Variants in DLGAP2 observed in about 807,000 individuals in gnomAD.
DLGAP2 encodes the protein DLG associated protein 2.
In DLGAP2, 26 loss-of-function variants were observed where a neutral mutation model predicts 100.3. The observed-to-expected ratio is 0.26, with a 90% CI of 0.19 to 0.36. The LOEUF is 0.36. Among genes scored for constraint, DLGAP2 ranks in the 10% least tolerant of loss-of-function variants. The probability of loss-of-function intolerance (pLI) is 1.00; values close to 1 mark genes in which losing one functional copy is unlikely to be tolerated. For missense variants in DLGAP2, 1,858 were observed against 1,453.2 expected (o/e 1.28, Z -4.53); for synonymous variants, 886 against 630.1 (o/e 1.41, Z -6.08).
At chr8:1,582,321 A>T (rs1803313199) in intron 6 of DLGAP2, among the ~76,000 whole-genome samples, 1 of 149,126 alleles carries the variant, frequency 6.7e-6, no homozygotes, top group Non-Finnish European at 1.5e-5. Context: ...CTTAAAAAAA[A>T]AAAAAAAGAA....
intron 8 of DLGAP2, among the ~76,000 whole-genome samples, chr8:1,651,038 G>T (rs1205456437): frequency 3.3e-5 from 5 of 152,054 alleles, no homozygotes; most frequent in Non-Finnish European, 7.4e-5. Flanking sequence ...GGAATTTTGG[G>T]ATTACATGGG....
At chr8:1,003,853 A>T (rs1028166161) in intron 2 of DLGAP2, among the ~76,000 whole-genome samples, 3 of 152,210 alleles carry the variant, frequency 2.0e-5, no homozygotes, top group Non-Finnish European at 4.4e-5. Context: ...ATGACATTCT[A>T]TCAAGAGATG....
intron 8 of DLGAP2, among the ~76,000 whole-genome samples, chr8:1,652,331 T>G (rs1032621395): frequency 6.6e-6 from 1 of 152,202 alleles, no homozygotes; most frequent in Non-Finnish European, 1.5e-5. Flanking sequence ...CTCCCCTGGC[T>G]AGAATATAAG....
Position 1,669,758 on chromosome 8 carries a change from G to C in DLGAP2, c.2176G>C (p.Glu726Gln), listed in dbSNP as rs747192625. 3 of 780,920 alleles carry C rather than the reference G, an allele frequency of 3.8e-6. No individual in the cohort carries two copies. 48.4% of individuals were successfully genotyped at this position (780,920 alleles called of 1,614,324 possible). ...TTTTGTTTAGGATTCTGAATTCCCAGAGCATCAGCCATACCCAAGGTCAGA... is the reference window on the plus strand; with the variant it reads ...TTTTGTTTAGGATTCTGAATTCCCACAGCATCAGCCATACCCAAGGTCAGA... ...SIGIQDSEFP[E>Q]HQPYPRSDVE... Residue 726 changes from glutamate (E) to glutamine (Q), a missense_variant, in exon 10 of 15, where the codon GAG becomes CAG. Coordinates refer to ENST00000637795, the MANE Select transcript of DLGAP2 (RefSeq NM_001346810.2).
chr8:1,497,381 T>C (rs1308167861), intron 3 of DLGAP2, among the ~76,000 whole-genome samples: 1 of 152,180 alleles, frequency 6.6e-6, no homozygotes, highest in African/African-American at 2.4e-5. Context: ...GGAGGAAGCT[T>C]ACGGTCACGT....
At chr8:1,284,038 A>T (rs1435660553) in intron 3 of DLGAP2, among the ~76,000 whole-genome samples, 1 of 152,242 alleles carries the variant, frequency 6.6e-6, no homozygotes, top group Admixed American at 6.5e-5. Flanking sequence ...ATTTTCTATG[A>T]CAAGTATGTG....
chr8:1,467,630 C>T (rs1379400895), intron 3 of DLGAP2, among the ~76,000 whole-genome samples: 2 of 152,182 alleles, frequency 1.3e-5, no homozygotes, highest in African/African-American at 4.8e-5. Context: ...GGACAGACTG[C>T]CCTGCCCACC....
chr8:859,019 C>G (rs556950818), intron 1 of DLGAP2, among the ~76,000 whole-genome samples: 4 of 152,100 alleles, frequency 2.6e-5, no homozygotes, highest in South Asian at 2.1e-4. Context: ...TTCTGTAAGC[C>G]TATAAAAAAT....
At chr8:1,096,359 G>C (rs113243492) in intron 2 of DLGAP2, among the ~76,000 whole-genome samples, 1 of 152,210 alleles carries the variant, frequency 6.6e-6, no homozygotes, top group Non-Finnish European at 1.5e-5. Context: ...AATGCATTCC[G>C]GGGCATGTTC....
chr8:1,296,242 C>T (rs532330451), intron 3 of DLGAP2: 7 of 152,226 alleles, frequency 4.6e-5, no homozygotes, highest in African/African-American at 1.4e-4. Flanking sequence ...GACATAAATT[C>T]AGCACTCTTG....
At chr8:1,350,026 G>T (rs901654328) in intron 3 of DLGAP2, among the ~76,000 whole-genome samples, 1 of 152,102 alleles carries the variant, frequency 6.6e-6, no homozygotes, top group Non-Finnish European at 1.5e-5. Flanking sequence ...ATATAAAGGG[G>T]AGCAAATTGA....
chr8:1,234,342 A>T (rs1359358402), intron 2 of DLGAP2, among the ~76,000 whole-genome samples: 1 of 152,096 alleles, frequency 6.6e-6, no homozygotes, highest in East Asian at 1.9e-4. Context: ...TGAGGGAAGT[A>T]CGTGTTCTAG....
intron 3 of DLGAP2, among the ~76,000 whole-genome samples, chr8:1,424,784 A>C (rs1053973246): frequency 6.6e-6 from 1 of 152,222 alleles, no homozygotes; most frequent in African/African-American, 2.4e-5. Flanking sequence ...AGAAGGCCGA[A>C]TAGGACAAGG....
chr8:944,535 G>A (rs1465900234), intron 2 of DLGAP2, among the ~76,000 whole-genome samples: 1 of 152,006 alleles, frequency 6.6e-6, no homozygotes, highest in Non-Finnish European at 1.5e-5. Context: ...GATCCAGTGG[G>A]TGGCAGTCGA....
At chr8:1,204,300 A>C (rs950664697) in intron 2 of DLGAP2, among the ~76,000 whole-genome samples, 27 of 152,222 alleles carry the variant, frequency 1.8e-4, no homozygotes, top group African/African-American at 6.0e-4. Flanking sequence ...ATCTTCTGAG[A>C]TCGGAAGTTC....
At chr8:1,295,747 G>T (rs559674143) in intron 3 of DLGAP2, among the ~76,000 whole-genome samples, 36 of 152,326 alleles carry the variant, frequency 2.4e-4, no homozygotes. Context: ...GGTGACGCCG[G>T]GCAGGGGAGC....
chr8:746,133 C>G lies in DLGAP2; in HGVS notation c.18+8308C>G, dbSNP rs139337438. ...GGGTGCGTCGCTGCTTTCCTCCAAGCCTTCCCACATGTGGAGCTTCTCAGA... is the reference window on the plus strand; with the variant it reads ...GGGTGCGTCGCTGCTTTCCTCCAAGGCTTCCCACATGTGGAGCTTCTCAGA... On this transcript the variant is annotated intron_variant, in intron 1 of 14. Coordinates refer to ENST00000637795, the MANE Select transcript of DLGAP2 (RefSeq NM_001346810.2). Among the ~76,000 whole-genome samples, 63 of 152,362 alleles carry G rather than the reference C, an allele frequency of 4.1e-4. No homozygotes were observed. The East Asian group carries it at 0.011, about 26-fold the overall frequency.
At chr8:1,339,757 G>A (rs1221233733) in intron 3 of DLGAP2, among the ~76,000 whole-genome samples, 1 of 152,188 alleles carries the variant, frequency 6.6e-6, no homozygotes, top group African/African-American at 2.4e-5. Flanking sequence ...GCCCTGCGCT[G>A]TGTGTTCCTA....
intron 2 of DLGAP2, chr8:1,032,463 G>A (rs1430223414): frequency 6.6e-6 from 1 of 152,254 alleles, no homozygotes; most frequent in Non-Finnish European, 1.5e-5. Flanking sequence ...TTCCAAGCCA[G>A]CCTAGGGAAA....
Sources: gnomAD v4.1 joint callset for allele counts (sites outside exome capture counted in the v4.1 genomes callset) on GRCh38, gnomAD v4.1.1 for gene constraint, MANE v1.5 for transcripts, NCBI Gene and HGNC (gene_info 2026-07-23, HGNC 2026-07-21) for gene names.